COL1A1: variants seen among roughly 807,000 people sequenced by gnomAD.
COL1A1 encodes the protein collagen alpha-1(I) chain.
Under a neutral mutation model 195.7 loss-of-function variants are expected in COL1A1, and 21 were observed. That is an observed-to-expected ratio of 0.11 (90% CI 0.08 to 0.15). The LOEUF is 0.15. Ranked by LOEUF, COL1A1 falls within the 10% of genes least tolerant of loss-of-function variation. The pLI is 1.00. For synonymous variants in COL1A1, 749 were observed against 747.3 expected (o/e 1.00, Z -0.04); for missense variants, 1,365 against 2,051.0 (o/e 0.67, Z 6.46).
In COL1A1 at chr17:50,201,485, A is replaced by G. The variant is rs1265184237; in HGVS notation, c.29T>C (p.Leu10Pro). The change falls in exon 1 of 51, where the codon CTG becomes CCG. Residue 10 changes from leucine (L) to proline (P), a missense_variant. Around this residue, in one of 5 missense-constraint regions of COL1A1, gnomAD observed 194 missense variants for 221.7 expected, o/e 0.88. Transcript: ENST00000225964. ...GAGGGCGGTGGCCGCTAAGAGGAGC[A>G]GGAGCCGGAGGTCCACAAAGCTGAA... MFSFVDLRL[L>P]LLLAATALLT... 2.5e-6 allele frequency: 4 copies of G among 1,612,370 alleles called. No individual in the cohort carries two copies. The highest frequency in any genetic ancestry group is 3.4e-6 in the Non-Finnish European group (4 of 1,180,038).
In COL1A1 at chr17:50,189,444, T is replaced by C. The variant is rs774442705; in HGVS notation, c.2762A>G (p.Glu921Gly). 3 of 1,612,478 alleles carry C rather than the reference T, an allele frequency of 1.9e-6. No individual in the cohort carries two copies. Among genetic ancestry groups the C allele is most frequent in the Non-Finnish European group, 2.5e-6 (3 of 1,179,592 alleles). Reference protein sequence around the residue: ...GETGPAGRPGEVGPPGPPGPA... With the variant: ...GETGPAGRPGGVGPPGPPGPA... ...GCCAGGGGGACCAGGGGGACCAACT[T>C]CACCAGGACGTCCAGCAGGGCCAGT... The change falls in exon 39 of 51, where the codon GAA becomes GGA. Residue 921 changes from glutamate (E) to glycine (G), a missense_variant. Physicochemically the swap from Glu to Gly is moderately conservative, Grantham distance 98 (BLOSUM62 -2). Around this residue, in one of 5 missense-constraint regions of COL1A1, gnomAD observed 671 missense variants for 1,099.9 expected, o/e 0.61. Transcript: ENST00000225964. The surrounding 1 kb of genome is among the most constrained non-coding windows in gnomAD (Gnocchi z 5.5).
rs1907408772 is a variant in COL1A1, at chr17:50,194,667, G to A, written c.1462-41C>T. ...AGGCCAGTGAACTCCGCGACACACAGGCACCAGCCAGGCAATGAGGGTGGA... is the reference window on the plus strand; with the variant it reads ...AGGCCAGTGAACTCCGCGACACACAAGCACCAGCCAGGCAATGAGGGTGGA... On this transcript the variant is annotated intron_variant, in intron 21 of 50. Coordinates refer to ENST00000225964, the MANE Select transcript of COL1A1 (RefSeq NM_000088.4). The surrounding 1 kb of genome is among the most constrained non-coding windows in gnomAD (Gnocchi z 6.8). The A allele has an allele frequency of 2.6e-6, 4 of 1,557,790 alleles. No homozygotes were observed. In the African/African-American group the frequency reaches 5.5e-5, roughly 21 times the overall value.
Position 50,189,674 on chromosome 17 carries a change from C to T in COL1A1, c.2667+5G>A. 6.2e-7 allele frequency: 1 copy of T among 1,613,964 alleles called. No individual in the cohort carries two copies. Among genetic ancestry groups the T allele is most frequent in the Non-Finnish European group, 8.5e-7 (1 of 1,179,968 alleles). On this transcript the variant is annotated splice_donor_5th_base_variant and intron_variant, in intron 38 of 50. Transcript: ENST00000225964. The surrounding 1 kb of genome is among the most constrained non-coding windows in gnomAD (Gnocchi z 5.5). ...AGAGCAGTGGACTCTGCTGCAGAGA[C>T]TTACAGAGGGGCCAGGAGGACCGAC...
intron 29 of COL1A1, 200 bp from the exon 30 acceptor site, chr17:50,192,224 A>G: frequency 2.8e-6 from 2 of 727,176 alleles, no homozygotes; most frequent in South Asian, 1.8e-5. Flanking sequence ...CAAACTATGG[A>G]CCAAGATTTA....
chr17:50,200,199 T>G, intron 1 of COL1A1: 1 of 494,344 alleles, frequency 2.0e-6, no homozygotes, highest in African/African-American at 2.0e-5. Flanking sequence ...CGCGGTGGCT[T>G]CCAACTCCAA....
intron 31 of COL1A1, 68 bp from the exon 32 acceptor site, chr17:50,191,558 C>T (rs898122614): frequency 7.8e-6 from 11 of 1,416,430 alleles, no homozygotes; most frequent in East Asian, 2.3e-5. Context: ...CCCTAAGCCC[C>T]GCTTGGTATC....
At chr17:50,192,962 G>A (rs371324431) in intron 26 of COL1A1, 32 bp downstream of exon 26, 1 of 1,613,964 alleles carries the variant, frequency 6.2e-7, no homozygotes, top group East Asian at 2.2e-5. Context: ...GCAGCAATGG[G>A]AAGGAGGTAG....
chr17:50,187,616 G>A, intron 45 of COL1A1, 79 bp from the exon 46 acceptor site: 1 of 1,462,838 alleles, frequency 6.8e-7, no homozygotes, highest in Middle Eastern at 1.7e-4. Flanking sequence ...AGAGACAAGG[G>A]CAGTGTGGGC....
chr17:50,192,644 A>T lies in COL1A1; in HGVS notation c.1925T>A (p.Phe642Tyr), dbSNP rs773957707. 3.7e-6 allele frequency: 6 copies of T among 1,614,092 alleles called. No individual in the cohort carries two copies. The highest frequency in any genetic ancestry group is 5.1e-6 in the Non-Finnish European group (6 of 1,180,048). Residue 642 changes from phenylalanine (F) to tyrosine (Y), a missense_variant, in exon 28 of 51, where the codon TTC becomes TAC. Physicochemically the swap from Phe to Tyr is conservative, Grantham distance 22. Coordinates refer to ENST00000225964, the MANE Select transcript of COL1A1 (RefSeq NM_000088.4). ...GEQGPAGSPG[F>Y]QGLPGPAGPP... ...CTGACAGCCATGAGGCCTCACCTGG[A>T]ATCCGGGGGAGCCAGCAGGGCCTTG...
At chr17:50,199,107 G>T in intron 5 of COL1A1, 119 bp downstream of exon 5, 2 of 1,224,960 alleles carry the variant, frequency 1.6e-6, no homozygotes, top group Non-Finnish European at 2.2e-6. Context: ...AGAGTTTCCT[G>T]TAGGATTCTT....
chr17:50,189,219 G>A lies in COL1A1; in HGVS notation c.2886C>T (p.Gly962=). 1.2e-6 allele frequency: 2 copies of A among 1,613,708 alleles called. No individual in the cohort carries two copies. Among genetic ancestry groups the A allele is most frequent in the Non-Finnish European group, 8.5e-7 (1 of 1,179,876 alleles). ...QGIAGQRGVV[G]LPGQRGERGF... ...CTCTCTCTCCTCTCTGACCAGGCAG[G>A]CCGACCACACCACGCTGTCCAGCAA... is the stretch of plus-strand genomic sequence containing the variant. The change falls in exon 40 of 51, where the codon GGC becomes GGT. Residue 962 remains glycine (G), a synonymous_variant. Coordinates refer to ENST00000225964, the MANE Select transcript of COL1A1 (RefSeq NM_000088.4). The surrounding 1 kb of genome is among the most constrained non-coding windows in gnomAD (Gnocchi z 5.5).
Position 50,188,689 on chromosome 17 carries a change from T to C in COL1A1, c.3100-52A>G. 1.2e-6 allele frequency: 2 copies of C among 1,612,642 alleles called. No individual in the cohort carries two copies. Among genetic ancestry groups the C allele is most frequent in the East Asian group, 4.5e-5 (2 of 44,804 alleles). ...GTCAGCCCCGGGTGAAGGGCCAGGA[T>C]GGGGCAGGGAAGCAGCAGACAAGGC... On this transcript the variant is annotated intron_variant, in intron 42 of 50. Coordinates refer to ENST00000225964, the MANE Select transcript of COL1A1 (RefSeq NM_000088.4). This position sits in a 1 kb window ranked among gnomAD's most constrained non-coding sequence, Gnocchi z 5.6.
At chr17:50,191,021 G>T in intron 32 of COL1A1, 97 bp from the exon 33 acceptor site, 2 of 1,131,414 alleles carry the variant, frequency 1.8e-6, no homozygotes, top group Non-Finnish European at 2.6e-6. Context: ...GCCCTCTGCA[G>T]CTCTGCCCTG....
At position 50,184,420 on chromosome 17, in the gene COL1A1, C is replaced by T. The variant is rs959462068; in HGVS notation, c.*1082G>A. On this transcript the variant is annotated 3_prime_UTR_variant, in exon 51 of 51. Transcript: ENST00000225964. ...CAGCGGGCTGGGCTGGAGCCGCACA[C>T]GCTCTCCTCCCATGTTAAATAGCAC... The T allele has an allele frequency of 3.5e-5, 8 of 227,806 alleles. No individual in the cohort carries two copies. Among genetic ancestry groups the T allele is most frequent in the Middle Eastern group, 2.6e-3 (2 of 766 alleles). 14.1% of individuals were successfully genotyped at this position (227,806 alleles called of 1,614,324 possible). A position where few individuals can be genotyped will look rare whatever the true frequency, so the allele number is the denominator to read the frequency against.
chr17:50,188,968 G>A lies in COL1A1; in HGVS notation c.2980C>T (p.Arg994Cys), dbSNP rs1299221919. The A allele has an allele frequency of 1.6e-5, 26 of 1,611,578 alleles. No individual in the cohort carries two copies. Among genetic ancestry groups the A allele is most frequent in the East Asian group, 2.2e-5 (1 of 44,710 alleles). ...GGGCCCATGGGACCAGGGGGACCAC[G>A]TTCACCACTTGCTCCAGAGGGACCT... is the stretch of plus-strand genomic sequence containing the variant. ...KQGPSGASGE[R>C]GPPGPMGPPG... Residue 994 changes from arginine to cysteine, a missense_variant, in exon 41 of 51, where the codon CGT becomes TGT. Physicochemically the swap from Arg to Cys is radical, Grantham distance 180 (BLOSUM62 -3). Transcript: ENST00000225964. This position sits in a 1 kb window ranked among gnomAD's most constrained non-coding sequence, Gnocchi z 5.6.
Position 50,195,855 on chromosome 17 carries a change from G to GGGGAACA in COL1A1, c.1056+61_1056+67dup, listed in dbSNP as rs374582077. On this transcript the variant is annotated intron_variant, in intron 16 of 50. Transcript: ENST00000225964. This position sits in a 1 kb window ranked among gnomAD's most constrained non-coding sequence, Gnocchi z 4.3. The stretch of plus-strand genomic sequence containing the variant: ...TTGCCACTCTGGGTCCCTTTGGTTT[G>GGGGAACA]GGGAACAGGGAGACATGAACCCCTT... The GGGGAACA allele has an allele frequency of 1.6e-4, 252 of 1,533,426 alleles. 2 individuals are homozygous for GGGGAACA. The African/African-American group carries it at 2.8e-3, about 17-fold the overall frequency. 95.0% of individuals were successfully genotyped at this position (1,533,426 alleles called of 1,614,324 possible). A position where few individuals can be genotyped will look rare whatever the true frequency, so the allele number is the denominator to read the frequency against.
In COL1A1 at chr17:50,188,366, G is replaced by T; in HGVS notation, c.3207+164C>A. ...TCCTGTCTGGGAGAGGGGACTTGGG[G>T]CTGAGCTTTAACTCAGTTTTTTGGA... On this transcript the variant is annotated intron_variant, in intron 43 of 50. Coordinates refer to ENST00000225964, the MANE Select transcript of COL1A1 (RefSeq NM_000088.4). The surrounding 1 kb of genome is among the most constrained non-coding windows in gnomAD (Gnocchi z 5.6). 2 of 847,568 alleles carry T rather than the reference G, an allele frequency of 2.4e-6. No homozygotes were observed. Among genetic ancestry groups the T allele is most frequent in the African/African-American group, 1.7e-5 (1 of 59,106 alleles). The allele number at this position is 847,568 out of a possible 1,614,324, so 52.5% of individuals were successfully genotyped here.
At position 50,190,709 on chromosome 17, in the gene COL1A1, G is replaced by C; in HGVS notation, c.2343+108C>G. Reference sequence around the variant, plus strand: ...GTCCCTCCAGGTTCCCAGGTTGACAGCTCAGTTTGGCAGGACCTGCTCTCC... The same window carrying C: ...GTCCCTCCAGGTTCCCAGGTTGACACCTCAGTTTGGCAGGACCTGCTCTCC... On this transcript the variant is annotated intron_variant, in intron 33 of 50. Coordinates refer to ENST00000225964, the MANE Select transcript of COL1A1 (RefSeq NM_000088.4). This position sits in a 1 kb window ranked among gnomAD's most constrained non-coding sequence, Gnocchi z 4.7. 1 of 1,486,212 alleles carries C rather than the reference G, an allele frequency of 6.7e-7. No homozygotes were observed. Among genetic ancestry groups the C allele is most frequent in the East Asian group, 2.3e-5 (1 of 44,004 alleles). 92.1% of individuals were successfully genotyped at this position (1,486,212 alleles called of 1,614,324 possible).
rs955312197 is a variant in COL1A1 at position 50,190,220 on chromosome 17, C to T, written c.2451+107G>A. 9 of 1,250,208 alleles carry T rather than the reference C, an allele frequency of 7.2e-6. No individual in the cohort carries two copies. Among genetic ancestry groups the T allele is most frequent in the African/African-American group, 2.9e-5 (2 of 68,022 alleles). 77.4% of individuals were successfully genotyped at this position (1,250,208 alleles called of 1,614,324 possible). On this transcript the variant is annotated intron_variant, in intron 35 of 50. Transcript: ENST00000225964. This position sits in a 1 kb window ranked among gnomAD's most constrained non-coding sequence, Gnocchi z 4.7. ...ATGCTTGGGTGGGAAACAATCCCGT[C>T]TCCACCCTTCTCCCCTGAGGATGGC...
Sources: gnomAD v4.1 joint callset for allele counts on GRCh38, gnomAD v4.1.1 for gene constraint, gnomAD v4.1.1 regional missense constraint, Gnocchi (gnomAD v3.1) non-coding constraint, MANE v1.5 for transcripts, NCBI Gene and HGNC (gene_info 2026-07-23, HGNC 2026-07-21) for gene names.